MYBPC1: variants seen among roughly 807,000 people sequenced by gnomAD.
MYBPC1 encodes the protein myosin binding protein C1, also known as myosin-binding protein C, slow-type.
MYBPC1 carries 52 observed loss-of-function variants against 147.1 expected under a neutral mutation model. The observed-to-expected ratio is 0.35, with a 90% confidence interval of 0.28 to 0.45. MYBPC1 has a LOEUF of 0.45. Among genes scored for constraint, MYBPC1 ranks in the 20% least tolerant of loss-of-function variants. The pLI, the probability that MYBPC1 is intolerant of heterozygous loss-of-function variation, is 1.00. For missense variants in MYBPC1, 1,228 were observed against 1,440.3 expected (o/e 0.85, Z 2.39); for synonymous variants, 477 against 475.9 (o/e 1.00, Z -0.03).
At chr12:101,678,595 T>A (rs763814208) in intron 28 of MYBPC1, among the ~76,000 whole-genome samples, 2 of 152,180 alleles carry the variant, frequency 1.3e-5, no homozygotes, top group Non-Finnish European at 2.9e-5. Flanking sequence ...CTACACTGTC[T>A]GCGATAGGTT....
At chr12:101,648,974 G>A (rs1431347810) in intron 14 of MYBPC1, among the ~76,000 whole-genome samples, 2 of 152,156 alleles carry the variant, frequency 1.3e-5, no homozygotes, top group Admixed American at 1.3e-4. Flanking sequence ...TGCTTCAAGA[G>A]CCTACATGGG....
At chr12:101,640,212 A>G (rs1051048032) in intron 10 of MYBPC1, among the ~76,000 whole-genome samples, 1 of 152,082 alleles carries the variant, frequency 6.6e-6, no homozygotes, top group Non-Finnish European at 1.5e-5. Context: ...GGGTTTCACC[A>G]TGTTGCCCAG....
chr12:101,640,032 T>C (rs1891718317), intron 10 of MYBPC1, among the ~76,000 whole-genome samples: 1 of 152,156 alleles, frequency 6.6e-6, no homozygotes. Flanking sequence ...GGTTTTTCTT[T>C]GAGACAGGGC....
chr12:101,654,608 C>T (rs758011617), intron 18 of MYBPC1, among the ~76,000 whole-genome samples: 17 of 152,084 alleles, frequency 1.1e-4, no homozygotes, highest in Admixed American at 1.0e-3. Context: ...CACAGAGAGT[C>T]CCCCTGGAGC....
At chr12:101,690,877 A>G (rs756022160), downstream of MYBPC1, among the ~76,000 whole-genome samples, 5 of 152,168 alleles carry the variant, frequency 3.3e-5, no homozygotes, top group Non-Finnish European at 5.9e-5. Flanking sequence ...TAAAATTTAG[A>G]CTTTAGAGTC....
intron 10 of MYBPC1, among the ~76,000 whole-genome samples, chr12:101,638,349 G>T (rs1891399690): frequency 6.6e-6 from 1 of 152,176 alleles, no homozygotes; most frequent in African/African-American, 2.4e-5. Flanking sequence ...AGGAAAAATA[G>T]TGGTAAAAAC....
chr12:101,653,051 C>T (rs1997203), intron 17 of MYBPC1, 64 bp from the exon 18 acceptor site: 17,907 of 1,573,574 alleles, frequency 0.011, 289 homozygotes, highest in Admixed American at 0.083. Context: ...ACTAGCCAAA[C>T]ATTAGTGCAG....
At chr12:101,636,602 G>C in intron 9 of MYBPC1, 70 bp from the exon 10 acceptor site, 1 of 1,274,594 alleles carries the variant, frequency 7.8e-7, no homozygotes, top group Non-Finnish European at 1.1e-6. Context: ...TACATGTAGA[G>C]TGTTTGGGGG....
intron 24 of MYBPC1, 106 bp downstream of exon 24, chr12:101,670,515 C>T: frequency 1.0e-6 from 1 of 969,846 alleles, no homozygotes; most frequent in Non-Finnish European, 1.7e-6. Flanking sequence ...AGGATTTCCT[C>T]AGAGGGAGAG....
intron 29 of MYBPC1, among the ~76,000 whole-genome samples, chr12:101,681,555 C>CAT (rs1206495774): frequency 0.082 from 1,886 of 23,080 alleles, 67 homozygotes; most frequent in Middle Eastern, 0.17. Context: ...AAATAACTTT[C>CAT]ATATATATAT....
intron 31 of MYBPC1, among the ~76,000 whole-genome samples, chr12:101,685,236 T>G (rs1951283249): frequency 6.6e-6 from 1 of 152,220 alleles, no homozygotes; most frequent in African/African-American, 2.4e-5. Flanking sequence ...TTTATTCTGC[T>G]GTTCAGTCAG....
intron 10 of MYBPC1, among the ~76,000 whole-genome samples, chr12:101,640,856 G>A (rs1207042654): frequency 1.3e-5 from 2 of 152,062 alleles, no homozygotes; most frequent in African/African-American, 2.4e-5. Context: ...CCAGGCTGGT[G>A]TGGTGGCCAG....
At chr12:101,663,334 T>A (rs1455543238) in intron 21 of MYBPC1, 92 bp from the exon 22 acceptor site, 1 of 1,162,310 alleles carries the variant, frequency 8.6e-7, no homozygotes, top group Non-Finnish European at 1.3e-6. Flanking sequence ...TTGTGTCTAT[T>A]TTTATTTGTA....
Position 101,684,648 on chromosome 12 carries a change from A to G in MYBPC1, c.*19+224A>G, listed in dbSNP as rs112816992. On this transcript the variant is annotated intron_variant, in intron 31 of 31. Transcript: ENST00000361466. ...TGACATGAAGCAAGTTGTTGAATGC[A>G]GTAGAGCATGAATGAAAGCATTTAA... Among the ~76,000 whole-genome samples, 576 of 152,354 alleles carry G rather than the reference A, an allele frequency of 3.8e-3. 4 individuals carry two copies. The highest frequency in any genetic ancestry group is 0.013 in the African/African-American group (553 of 41,588).
intron 9 of MYBPC1, 102 bp downstream of exon 9, chr12:101,634,707 C>A: frequency 1.0e-6 from 1 of 956,706 alleles, no homozygotes; most frequent in Non-Finnish European, 1.7e-6. Context: ...CAAATACGAA[C>A]AACACTTTTC....
Position 101,651,263 on chromosome 12 carries a change from G to C in MYBPC1, c.1396G>C (p.Asp466His), listed in dbSNP as rs774905599. The C allele has an allele frequency of 1.2e-6, 2 of 1,614,034 alleles. No individual in the cohort carries two copies. Among genetic ancestry groups the C allele is most frequent in the Admixed American group, 1.7e-5 (1 of 60,004 alleles). Residue 466 changes from aspartate (D) to histidine (H), a missense_variant, in exon 16 of 32, where the codon GAT becomes CAT. Asp to His is a moderately conservative substitution (Grantham distance 81). Coordinates refer to ENST00000361466, the MANE Select transcript of MYBPC1 (RefSeq NM_002465.4). The part of the protein sequence containing the change: ...KPLKILTPLT[D>H]QTVNLGKEIC... Reference sequence around the variant, plus strand: ...TCTGAAGATTTTGACACCTCTGACTGATCAGACTGTAAATCTTGGAAAAGA... The same window carrying C: ...TCTGAAGATTTTGACACCTCTGACTCATCAGACTGTAAATCTTGGAAAAGA...
chr12:101,652,869 T>G (rs1894775433), intron 17 of MYBPC1, 85 bp downstream of exon 17: 1 of 1,271,548 alleles, frequency 7.9e-7, no homozygotes, highest in Admixed American at 1.7e-5. Flanking sequence ...TATTCAAAAC[T>G]AAGTGACATT....
intron 1 of MYBPC1, among the ~76,000 whole-genome samples, chr12:101,600,816 C>T (rs1365674254): frequency 1.3e-5 from 2 of 152,166 alleles, no homozygotes; most frequent in East Asian, 3.8e-4. Context: ...AACTTCATCT[C>T]TAGACATACT....
At position 101,661,262 on chromosome 12, in the gene MYBPC1, G is replaced by A. The variant is rs1487491561; in HGVS notation, c.2032G>A (p.Gly678Arg). ...CTACGACGGAGGCTCTCCAATCCTA[G>A]GTAACTGCATGTTGGTTAGTCTGTG... ...PAYDGGSPIL[G>R]YFIERKKKQS... Residue 678 changes from glycine to arginine, a missense_variant and splice_region_variant, in exon 20 of 32, where the codon GGA becomes AGA. This residue lies in a region of MYBPC1 where 1,077 missense variants were observed against 1,314.2 expected (regional missense o/e 0.82). Transcript: ENST00000361466. 1 of 1,600,884 alleles carries A rather than the reference G, an allele frequency of 6.2e-7. No individual in the cohort carries two copies.
Sources: gnomAD v4.1 joint callset for allele counts (sites outside exome capture counted in the v4.1 genomes callset) on GRCh38, gnomAD v4.1.1 for gene constraint, gnomAD v4.1.1 regional missense constraint, MANE v1.5 for transcripts, NCBI Gene and HGNC (gene_info 2026-07-23, HGNC 2026-07-21) for gene names.